GALNTL6: variants seen among roughly 807,000 people sequenced by gnomAD.
The protein encoded by GALNTL6 is polypeptide N-acetylgalactosaminyltransferase like 6.
In GALNTL6, 46 loss-of-function variants were observed where a neutral mutation model predicts 73.7. The observed-to-expected ratio is 0.62, with a 90% confidence interval of 0.49 to 0.80. GALNTL6 has a LOEUF of 0.80. Ranked by LOEUF, GALNTL6 falls within the 30% of genes least tolerant of loss-of-function variation. The probability of loss-of-function intolerance (pLI) is 0.00; values close to 1 mark genes in which losing one functional copy is unlikely to be tolerated. For synonymous variants in GALNTL6, 259 were observed against 263.7 expected (o/e 0.98, Z 0.17); for missense variants, 604 against 755.0 (o/e 0.80, Z 2.34).
chr4:172,347,628 G>C (rs1741796274), intron 4 of GALNTL6, among the ~76,000 whole-genome samples: 1 of 152,052 alleles, frequency 6.6e-6, no homozygotes, highest in Non-Finnish European at 1.5e-5. Context: ...CACTCCCATG[G>C]AAATTACTGA....
intron 5 of GALNTL6, among the ~76,000 whole-genome samples, chr4:172,443,012 A>G (rs1366893532): frequency 6.6e-6 from 1 of 150,678 alleles, no homozygotes; most frequent in Non-Finnish European, 1.5e-5. Flanking sequence ...CCTTTAAAAA[A>G]TATTTTGGTC....
intron 5 of GALNTL6, among the ~76,000 whole-genome samples, chr4:172,790,494 C>G (rs983330253): frequency 6.6e-6 from 1 of 152,148 alleles, no homozygotes; most frequent in Non-Finnish European, 1.5e-5. Context: ...AGGACCTCAC[C>G]AGAAACTAAC....
At chr4:171,878,614 T>C (rs1419166901) in intron 2 of GALNTL6, among the ~76,000 whole-genome samples, 3 of 152,316 alleles carry the variant, frequency 2.0e-5, no homozygotes, top group Non-Finnish European at 2.9e-5. Context: ...ATCTTTAAAA[T>C]ATAAAAGCAT....
At chr4:172,296,467 T>TC (rs1343146749) in intron 3 of GALNTL6, among the ~76,000 whole-genome samples, 1 of 152,172 alleles carries the variant, frequency 6.6e-6, no homozygotes, top group Non-Finnish European at 1.5e-5. Context: ...ACCCGTTAAC[T>TC]CATCATTTAA....
At chr4:171,872,741 A>C (rs1160682841) in intron 2 of GALNTL6, among the ~76,000 whole-genome samples, 2 of 152,126 alleles carry the variant, frequency 1.3e-5, no homozygotes, top group Non-Finnish European at 2.9e-5. Context: ...TTGTAAGAAC[A>C]CCAGTCATAT....
At chr4:171,877,095 G>A (rs1019170228) in intron 2 of GALNTL6, among the ~76,000 whole-genome samples, 2 of 152,118 alleles carry the variant, frequency 1.3e-5, no homozygotes, top group Non-Finnish European at 2.9e-5. Flanking sequence ...AGATGGAGCT[G>A]TCTCTGTTTC....
intron 3 of GALNTL6, among the ~76,000 whole-genome samples, chr4:172,281,906 A>G (rs1365455016): frequency 1.3e-5 from 2 of 152,050 alleles, no homozygotes; most frequent in Non-Finnish European, 2.9e-5. Context: ...CTAAACAACT[A>G]AATCTTGTGT....
rs181823690 is a variant in GALNTL6 at position 172,125,360 on chromosome 4, T to C, written c.139-104296T>C. Reference sequence around the variant, plus strand: ...GAAGAAGCTGCAGTTTAGAAGATGGTTGAATGGTTGAAATTTTTTTTAAAC... The same window carrying C: ...GAAGAAGCTGCAGTTTAGAAGATGGCTGAATGGTTGAAATTTTTTTTAAAC... On this transcript the variant is annotated intron_variant, in intron 2 of 12. Coordinates refer to ENST00000506823, the MANE Select transcript of GALNTL6 (RefSeq NM_001034845.3). Among the ~76,000 whole-genome samples, 506 of 152,278 alleles carry C rather than the reference T, an allele frequency of 3.3e-3. 3 individuals carry two copies. The highest frequency in any genetic ancestry group is 0.012 in the African/African-American group (480 of 41,552).
chr4:172,549,438 C>T (rs1426262163), intron 5 of GALNTL6, among the ~76,000 whole-genome samples: 1 of 152,104 alleles, frequency 6.6e-6, no homozygotes, highest in African/African-American at 2.4e-5. Context: ...TGTTACCTTA[C>T]GCATGTCATT....
At chr4:172,112,768 C>G (rs894654176) in intron 2 of GALNTL6, among the ~76,000 whole-genome samples, 1 of 151,822 alleles carries the variant, frequency 6.6e-6, no homozygotes. Flanking sequence ...AATTCTGAGG[C>G]TGGAGCCTTT....
At chr4:171,911,123 A>G (rs1413037692) in intron 2 of GALNTL6, among the ~76,000 whole-genome samples, 3 of 152,164 alleles carry the variant, frequency 2.0e-5, no homozygotes, top group African/African-American at 4.8e-5. Flanking sequence ...GAGAAGGAGT[A>G]AACAATATAT....
chr4:172,342,585 GC>G (rs1741607157), intron 4 of GALNTL6, among the ~76,000 whole-genome samples: 1 of 152,172 alleles, frequency 6.6e-6, no homozygotes, highest in Non-Finnish European at 1.5e-5. Flanking sequence ...AAATGTGGTT[GC>G]AGCTCTAATA....
In GALNTL6 at chr4:172,441,720, T is replaced by A. The variant is rs552059065; in HGVS notation, c.553+93031T>A. On this transcript the variant is annotated intron_variant, in intron 5 of 12. Coordinates refer to ENST00000506823, the MANE Select transcript of GALNTL6 (RefSeq NM_001034845.3). ...GTTCAGGCATGTGTTAGAATATGAT[T>A]GTCCCTAAGTTTAATGTTGGTGAAT... 2.6e-5 allele frequency among the ~76,000 whole-genome samples: 4 copies of A among 152,262 alleles called. No individual in the cohort carries two copies. The East Asian group carries it at 7.7e-4, about 29-fold the overall frequency.
At chr4:172,124,104 A>G (rs1274343734) in intron 2 of GALNTL6, among the ~76,000 whole-genome samples, 1 of 152,216 alleles carries the variant, frequency 6.6e-6, no homozygotes, top group Admixed American at 6.5e-5. Context: ...GCAATTGACA[A>G]GAAAATTTGG....
At chr4:172,050,901 A>G (rs1311509196) in intron 2 of GALNTL6, among the ~76,000 whole-genome samples, 4 of 152,182 alleles carry the variant, frequency 2.6e-5, no homozygotes, top group African/African-American at 9.7e-5. Context: ...AGCAATGAGG[A>G]AAAAAGAAGG....
chr4:172,303,011 T>G (rs1011495666), intron 3 of GALNTL6, among the ~76,000 whole-genome samples: 27 of 152,276 alleles, frequency 1.8e-4, no homozygotes, highest in African/African-American at 5.8e-4. Flanking sequence ...TTTATTTTTA[T>G]TTTTTTGAAA....
chr4:172,847,763 A>G (rs1348651536), intron 7 of GALNTL6, among the ~76,000 whole-genome samples: 1 of 152,138 alleles, frequency 6.6e-6, no homozygotes, highest in Non-Finnish European at 1.5e-5. Context: ...ATCTTTTTAT[A>G]TTGCCTCACT....
chr4:172,545,445 C>T (rs1360521832), intron 5 of GALNTL6, among the ~76,000 whole-genome samples: 1 of 152,188 alleles, frequency 6.6e-6, no homozygotes, highest in Admixed American at 6.5e-5. Context: ...ACCTTCCACA[C>T]GGTTACCAAA....
intron 2 of GALNTL6, among the ~76,000 whole-genome samples, chr4:171,928,439 C>T (rs1479451686): frequency 2.0e-5 from 3 of 152,186 alleles, no homozygotes; most frequent in Non-Finnish European, 4.4e-5. Context: ...GTTTTAACCA[C>T]GATCCCTGGC....
Sources: allele counts gnomAD v4.1 joint callset (sites outside exome capture counted in the v4.1 genomes callset), GRCh38; gene constraint gnomAD v4.1.1; transcripts MANE v1.5; gene names NCBI Gene and HGNC (gene_info 2026-07-23, HGNC 2026-07-21).